The following ACVR1 variants were observed in gnomAD, a reference collection of about 807,000 sequenced individuals.
ACVR1 encodes the protein activin receptor type-1.
A neutral mutation model predicts 57.1 loss-of-function variants in ACVR1; 38 were observed. The observed-to-expected ratio is 0.67, with a 90% CI of 0.51 to 0.87. ACVR1 has a LOEUF of 0.87. Among genes scored for constraint, ACVR1 ranks in the 40% least tolerant of loss-of-function variants. ACVR1 has a pLI of 0.00. For missense variants in ACVR1, 463 were observed against 638.2 expected (o/e 0.73, Z 2.96); for synonymous variants, 212 against 228.1 (o/e 0.93, Z 0.63).
chr2:157,743,823 T>C (rs1039629889), intron 9 of ACVR1, among the ~76,000 whole-genome samples: 1 of 152,042 alleles, frequency 6.6e-6, no homozygotes, highest in African/African-American at 2.4e-5. Flanking sequence ...TTTCAAAGTT[T>C]TGGGGACTTC....
intron 1 of ACVR1, among the ~76,000 whole-genome samples, chr2:157,871,684 A>T (rs569175588): frequency 6.6e-6 from 1 of 152,242 alleles, no homozygotes; most frequent in Admixed American, 6.5e-5. Flanking sequence ...GATGGATCAC[A>T]TAAGAGCCTT....
chr2:157,785,554 T>C (rs925598061), intron 3 of ACVR1, among the ~76,000 whole-genome samples: 8 of 152,184 alleles, frequency 5.3e-5, no homozygotes, highest in African/African-American at 1.7e-4. Flanking sequence ...TGAGGGGCAT[T>C]TGATCCTCTG....
chr2:157,801,829 T>G (rs2105308854), intron 2 of ACVR1, among the ~76,000 whole-genome samples: 1 of 152,364 alleles, frequency 6.6e-6, no homozygotes, highest in African/African-American at 2.4e-5. Context: ...TGAAAATTGC[T>G]GAACTAAACT....
intron 5 of ACVR1, among the ~76,000 whole-genome samples, chr2:157,775,383 A>T (rs1686241693): frequency 6.6e-6 from 1 of 152,232 alleles, no homozygotes. Flanking sequence ...TCTGTAATAA[A>T]CAATATTGTG....
chr2:157,826,784 A>AGGAAAG (rs1559080714), intron 1 of ACVR1: 4 of 88,774 alleles, frequency 4.5e-5, no homozygotes, highest in African/African-American at 2.0e-4. Context: ...AGGAAAGGAA[A>AGGAAAG]GGAAAGGGAA....
chr2:157,863,500 C>T, intron 1 of ACVR1, among the ~76,000 whole-genome samples: 1 of 150,754 alleles, frequency 6.6e-6, no homozygotes, highest in Non-Finnish European at 1.5e-5. Flanking sequence ...AGTTCGAGAC[C>T]AGCCTGGCCA....
At position 157,774,075 on chromosome 2, in the gene ACVR1, A is replaced by G; in HGVS notation, c.643+13T>C. 6.2e-7 allele frequency: 1 copy of G among 1,611,918 alleles called. No homozygotes were observed. Among genetic ancestry groups the G allele is most frequent in the Non-Finnish European group, 8.5e-7 (1 of 1,178,004 alleles). On this transcript the variant is annotated intron_variant, in intron 6 of 10. Coordinates refer to ENST00000434821, the MANE Select transcript of ACVR1 (RefSeq NM_001111067.4). ...TGCATATTACCCACAAAGAAAGGAA[A>G]AAAAAGAATTACCGACACACTCCAA...
At chr2:157,749,968 G>C (rs1208906461) in intron 9 of ACVR1, among the ~76,000 whole-genome samples, 1 of 152,216 alleles carries the variant, frequency 6.6e-6, no homozygotes, top group Non-Finnish European at 1.5e-5. Context: ...GGGATTGTCT[G>C]CTCAGCCTGC....
chr2:157,829,262 A>G (rs1688501735), intron 1 of ACVR1, among the ~76,000 whole-genome samples: 1 of 152,144 alleles, frequency 6.6e-6, no homozygotes, highest in Non-Finnish European at 1.5e-5. Flanking sequence ...TCCCAAATCT[A>G]CTAATCTTTC....
Position 157,838,786 on chromosome 2 carries a change from G to A in ACVR1, c.-182-20227C>T, listed in dbSNP as rs571207065. Among the ~76,000 whole-genome samples the A allele has an allele frequency of 8.5e-5, 13 of 152,182 alleles. 1 individual carries two copies. The South Asian group carries it at 1.5e-3, about 17-fold the overall frequency. ...CCAAGTATGTACATCTGGGGAGAAC[G>A]CACAACCCCATTTCTACTTCATGTT... On this transcript the variant is annotated intron_variant, in intron 1 of 10. Coordinates refer to ENST00000434821, the MANE Select transcript of ACVR1 (RefSeq NM_001111067.4).
chr2:157,824,966 G>T (rs1002113326), intron 1 of ACVR1, among the ~76,000 whole-genome samples: 2 of 152,018 alleles, frequency 1.3e-5, no homozygotes, highest in African/African-American at 4.8e-5. Flanking sequence ...GGCTGGTCTC[G>T]AACTCCTGAC....
intron 3 of ACVR1, among the ~76,000 whole-genome samples, chr2:157,794,872 A>G (rs1687045009): frequency 6.6e-6 from 1 of 151,546 alleles, no homozygotes; most frequent in Non-Finnish European, 1.5e-5. Context: ...TCTGAAGTAC[A>G]CTCAAACTCT....
chr2:157,821,320 G>T (rs1688153218), intron 1 of ACVR1, among the ~76,000 whole-genome samples: 1 of 152,160 alleles, frequency 6.6e-6, no homozygotes, highest in African/African-American at 2.4e-5. Flanking sequence ...GAGGTCCAGA[G>T]TTCAAGACCA....
In ACVR1 at chr2:157,868,327, G is replaced by GA. The variant is rs576476487; in HGVS notation, c.-183+7468dup. On this transcript the variant is annotated intron_variant, in intron 1 of 10. Coordinates refer to ENST00000434821, the MANE Select transcript of ACVR1 (RefSeq NM_001111067.4). ...GTGAAACCCCATCTCTACTAAAAATGAAAAAAAAAAATAGCTGGGCATGGT... is the reference window on the plus strand; with the variant it reads ...GTGAAACCCCATCTCTACTAAAAATGAAAAAAAAAAAATAGCTGGGCATGGT... Among the ~76,000 whole-genome samples, 557 of 144,252 alleles carry GA rather than the reference G, an allele frequency of 3.9e-3. 2 individuals carry two copies. The highest frequency in any genetic ancestry group is 0.011 in the Middle Eastern group (3 of 280). 94.6% of individuals were successfully genotyped at this position (144,252 alleles called of 152,430 possible).
rs116389706 is a variant in ACVR1, at chr2:157,772,325, C to T, written c.643+1763G>A. On this transcript the variant is annotated intron_variant, in intron 6 of 10. Coordinates refer to ENST00000434821, the MANE Select transcript of ACVR1 (RefSeq NM_001111067.4). ...ACTGATCGTCATCCAGAAATGACTC[C>T]CCTAACCCAACTTCCCATGTTTTTG... 8.9e-3 allele frequency among the ~76,000 whole-genome samples: 1,350 copies of T among 152,202 alleles called. 24 individuals carry two copies. The highest frequency in any genetic ancestry group is 0.031 in the African/African-American group (1,288 of 41,494).
chr2:157,761,133 G>A lies in ACVR1; in HGVS notation c.1067-56C>T, dbSNP rs976289433. The A allele has an allele frequency of 7.0e-6, 11 of 1,582,470 alleles. No homozygotes were observed. The African/African-American group carries it at 1.4e-4, about 19-fold the overall frequency. On this transcript the variant is annotated intron_variant, in intron 8 of 10. Transcript: ENST00000434821. ...CCCACTTCCTTTCTCATAAGAGGCT[G>A]CTGAAGGATTTTAAACCAACCCCAA...
At chr2:157,859,337 A>G (rs1326639587) in intron 1 of ACVR1, among the ~76,000 whole-genome samples, 1 of 152,224 alleles carries the variant, frequency 6.6e-6, no homozygotes, top group Non-Finnish European at 1.5e-5. Context: ...GTTATCCTAT[A>G]TGGTCTAAAA....
At chr2:157,835,986 T>A (rs1341096119) in intron 1 of ACVR1, among the ~76,000 whole-genome samples, 7 of 152,178 alleles carry the variant, frequency 4.6e-5, no homozygotes, top group African/African-American at 1.7e-4. Flanking sequence ...TCAACTACTA[T>A]GAAATGTAAA....
intron 1 of ACVR1, among the ~76,000 whole-genome samples, chr2:157,855,024 C>G (rs1212501837): frequency 6.6e-6 from 1 of 151,992 alleles, no homozygotes; most frequent in African/African-American, 2.4e-5. Flanking sequence ...GGCAACAGAG[C>G]AAGACACCAT....
Sources: allele counts gnomAD v4.1 joint callset (sites outside exome capture counted in the v4.1 genomes callset), GRCh38; gene constraint gnomAD v4.1.1; transcripts MANE v1.5; gene names NCBI Gene and HGNC (gene_info 2026-07-23, HGNC 2026-07-21).